The following TNR variants were observed in gnomAD, a reference collection of about 807,000 sequenced individuals.
The protein encoded by TNR is tenascin R.
Under a neutral mutation model 150.4 loss-of-function variants are expected in TNR, and 45 were observed. The ratio of observed to expected loss-of-function variants is 0.30; its 90% CI spans 0.24 to 0.38. The LOEUF (loss-of-function observed/expected upper bound fraction) is 0.38, where lower values mean the gene tolerates loss of function less well. Among genes scored for constraint, TNR ranks in the 10% least tolerant of loss-of-function variants. TNR has a pLI of 1.00. For missense variants in TNR, 1,544 were observed against 1,759.1 expected, an observed-to-expected ratio of 0.88 and a Z score of 2.19; for synonymous variants, 687 against 678.4, an observed-to-expected ratio of 1.01 and a Z score of -0.20.
At chr1:175,533,562 T>C (rs939020207) in intron 1 of TNR, among the ~76,000 whole-genome samples, 2 of 152,224 alleles carry the variant, frequency 1.3e-5, no homozygotes, top group African/African-American at 4.8e-5. Context: ...AAAGTCAGGA[T>C]GTGTGAGAGA....
chr1:175,632,084 C>G (rs1003531023), intron 1 of TNR, among the ~76,000 whole-genome samples: 1 of 152,208 alleles, frequency 6.6e-6, no homozygotes, highest in African/African-American at 2.4e-5. Flanking sequence ...AACCTTAGCT[C>G]TGTGGAAGAT....
At chr1:175,444,210 C>T (rs1655925362) in intron 2 of TNR, among the ~76,000 whole-genome samples, 1 of 152,164 alleles carries the variant, frequency 6.6e-6, no homozygotes, top group Non-Finnish European at 1.5e-5. Context: ...CAAAGTGGTA[C>T]ATTGTGAGTT....
chr1:175,547,609 GAAACA>G (rs1164892720), intron 1 of TNR, among the ~76,000 whole-genome samples: 42 of 23,128 alleles, frequency 1.8e-3, no homozygotes, highest in Middle Eastern at 0.015. Flanking sequence ...AAGAAAGAAA[GAAACA>G]AAGAAACAAA....
intron 1 of TNR, among the ~76,000 whole-genome samples, chr1:175,646,275 C>G (rs1415849217): frequency 6.6e-6 from 1 of 152,166 alleles, no homozygotes; most frequent in African/African-American, 2.4e-5. Flanking sequence ...AATTTTGCAT[C>G]TGTATTTGAC....
rs759795382 is a variant in TNR, at chr1:175,675,302, C to A, written c.-165+67924G>T. ...GAGTATTACAAGCCTCGTTACTGAA[C>A]CTGCCTCACAGAGGGTAGCACGGCT... On this transcript the variant is annotated intron_variant, in intron 1 of 22. Transcript: ENST00000367674. 3.9e-4 allele frequency among the ~76,000 whole-genome samples: 59 copies of A among 152,186 alleles called. 1 individual carries two copies. The highest frequency in any genetic ancestry group is 8.1e-4 in the Non-Finnish European group (55 of 68,042).
chr1:175,406,070 T>C, intron 3 of TNR, 146 bp downstream of exon 3: 3 of 1,088,086 alleles, frequency 2.8e-6, no homozygotes, highest in Non-Finnish European at 3.9e-6. Context: ...GGACACTTTT[T>C]TCCTTTGACC....
At chr1:175,673,649 C>A (rs749335125) in intron 1 of TNR, among the ~76,000 whole-genome samples, 1 of 152,222 alleles carries the variant, frequency 6.6e-6, no homozygotes, top group Non-Finnish European at 1.5e-5. Context: ...TTGCTTCCTG[C>A]CCCTCAGGGC....
At chr1:175,501,079 T>A (rs1658714933) in intron 2 of TNR, among the ~76,000 whole-genome samples, 1 of 152,054 alleles carries the variant, frequency 6.6e-6, no homozygotes, top group South Asian at 2.1e-4. Context: ...TTATGTTATG[T>A]TGTAGGGCAA....
chr1:175,319,449 A>C lies in TNR; in HGVS notation c.*3908T>G, dbSNP rs1221997455. The C allele has an allele frequency of 6.6e-6, 1 of 152,224 alleles. No homozygotes were observed. The highest frequency in any genetic ancestry group is 2.1e-4 in the South Asian group (1 of 4,830). 9.4% of individuals were successfully genotyped at this position (152,224 alleles called of 1,614,324 possible). A position where few individuals can be genotyped will look rare whatever the true frequency, so the allele number is the denominator to read the frequency against. On this transcript the variant is annotated 3_prime_UTR_variant, in exon 23 of 23. Transcript: ENST00000367674. ...CTGAGACTGGATTTGAAAAGTAAAA[A>C]TGTGATTAGGATTGTTTGGTTTGGC...
chr1:175,672,149 G>T (rs1257455781), intron 1 of TNR, among the ~76,000 whole-genome samples: 1 of 152,158 alleles, frequency 6.6e-6, no homozygotes, highest in African/African-American at 2.4e-5. Context: ...TTAGTAAAAT[G>T]GGGACATTAA....
rs5778870 is a variant in TNR at position 175,696,217 on chromosome 1, G to GTTTTTTTTTT, written c.-165+46999_-165+47008dup. On this transcript the variant is annotated intron_variant, in intron 1 of 22. Transcript: ENST00000367674. Reference sequence around the variant, plus strand: ...ATGCCATTAAATGAGCCTTCCTGTAGTTTTTTTTTTTTTTTTTTTTTTTTT... The same window carrying GTTTTTTTTTT: ...ATGCCATTAAATGAGCCTTCCTGTAGTTTTTTTTTTTTTTTTTTTTTTTTTTTTTTTTTTT... Among the ~76,000 whole-genome samples, 18 of 40,458 alleles carry GTTTTTTTTTT rather than the reference G, an allele frequency of 4.4e-4. 1 individual carries two copies. Among genetic ancestry groups the GTTTTTTTTTT allele is most frequent in the African/African-American group, 1.3e-3 (17 of 13,102 alleles). 26.5% of individuals were successfully genotyped at this position (40,458 alleles called of 152,430 possible).
At chr1:175,696,612 TA>T (rs1262600369) in intron 1 of TNR, among the ~76,000 whole-genome samples, 1 of 152,112 alleles carries the variant, frequency 6.6e-6, no homozygotes, top group Non-Finnish European at 1.5e-5. Flanking sequence ...CAACCGATTT[TA>T]AAAAATAAAT....
chr1:175,402,475 C>T (rs1653758583), intron 4 of TNR, among the ~76,000 whole-genome samples: 1 of 151,670 alleles, frequency 6.6e-6, no homozygotes, highest in Non-Finnish European at 1.5e-5. Context: ...GCTAGATAGT[C>T]ATCTGGAACA....
chr1:175,502,436 T>C (rs1658775843), intron 2 of TNR, among the ~76,000 whole-genome samples: 1 of 152,142 alleles, frequency 6.6e-6, no homozygotes, highest in African/African-American at 2.4e-5. Flanking sequence ...CCTTTCCAGA[T>C]CTTTGCAGGG....
At chr1:175,693,910 A>G (rs1666443159) in intron 1 of TNR, among the ~76,000 whole-genome samples, 1 of 152,244 alleles carries the variant, frequency 6.6e-6, no homozygotes, top group African/African-American at 2.4e-5. Context: ...TTATTCATGT[A>G]TATAAAACAT....
chr1:175,469,683 G>T (rs1657197443), intron 2 of TNR, among the ~76,000 whole-genome samples: 1 of 152,010 alleles, frequency 6.6e-6, no homozygotes. Context: ...GATTGAGAGG[G>T]CTTGGAAGGC....
rs569934797 is a variant in TNR, at chr1:175,350,360, GT to G, written c.3382+4030del. Among the ~76,000 whole-genome samples, 236 of 152,286 alleles carry G rather than the reference GT, an allele frequency of 1.5e-3. 2 individuals carry two copies. Among genetic ancestry groups the G allele is most frequent in the Admixed American group, 4.6e-3 (71 of 15,300 alleles). On this transcript the variant is annotated intron_variant, in intron 18 of 22. Transcript: ENST00000367674. ...TAGGACAAGCTTTAGTGAGAACCTT[GT>G]TTGCTTTTTATAGTATTAAAAGAGA... is the stretch of plus-strand genomic sequence containing the variant.
chr1:175,723,750 C>T (rs1037813748), intron 1 of TNR, among the ~76,000 whole-genome samples: 10 of 152,000 alleles, frequency 6.6e-5, no homozygotes, highest in South Asian at 4.2e-4. Flanking sequence ...TGGTGGCTCA[C>T]GCCTGTAATC....
intron 2 of TNR, among the ~76,000 whole-genome samples, chr1:175,465,048 A>G (rs1005737051): frequency 6.6e-5 from 10 of 152,180 alleles, no homozygotes; most frequent in African/African-American, 2.4e-4. Context: ...GTTTCAATTC[A>G]AAACATCAAT....
Sources: allele counts gnomAD v4.1 joint callset (sites outside exome capture counted in the v4.1 genomes callset), GRCh38; gene constraint gnomAD v4.1.1; transcripts MANE v1.5; gene names NCBI Gene and HGNC (gene_info 2026-07-23, HGNC 2026-07-21).